GFRA2: variants seen among roughly 807,000 people sequenced by gnomAD.
GFRA2 encodes GDNF family receptor alpha-2.
A neutral mutation model predicts 48.3 loss-of-function variants in GFRA2; 17 were observed. The observed-to-expected ratio is 0.35, with a 90% CI of 0.24 to 0.53. The LOEUF (loss-of-function observed/expected upper bound fraction) is 0.53, where lower values mean the gene tolerates loss of function less well. Among genes scored for constraint, GFRA2 ranks in the 20% least tolerant of loss-of-function variants. The pLI, the probability that GFRA2 is intolerant of heterozygous loss-of-function variation, is 0.93. For missense variants in GFRA2, 660 were observed against 637.3 expected (o/e 1.04, Z -0.38); for synonymous variants, 305 against 257.2 (o/e 1.19, Z -1.78).
upstream of GFRA2, among the ~76,000 whole-genome samples, chr8:21,792,622 G>A (rs1234142535): frequency 2.6e-5 from 4 of 152,230 alleles, no homozygotes; most frequent in Non-Finnish European, 4.4e-5. Flanking sequence ...AGGAAGAGTT[G>A]GTACCACTGG....
chr8:21,742,147 G>A (rs1463451932), intron 4 of GFRA2, among the ~76,000 whole-genome samples: 1 of 152,120 alleles, frequency 6.6e-6, no homozygotes, highest in Non-Finnish European at 1.5e-5. Context: ...AAGTCTAGAT[G>A]TTATGAATGT....
At chr8:21,703,778 CT>C (rs2117361323) in intron 6 of GFRA2, among the ~76,000 whole-genome samples, 1 of 152,312 alleles carries the variant, frequency 6.6e-6, no homozygotes, top group South Asian at 2.1e-4. Flanking sequence ...CGCTGTTCCC[CT>C]CCCACTGCTC....
intron 8 of GFRA2, among the ~76,000 whole-genome samples, chr8:21,694,071 T>TATATATATATA (rs1563209393): frequency 5.6e-5 from 4 of 71,082 alleles, no homozygotes; most frequent in African/African-American, 2.1e-4. Flanking sequence ...ATATATTTAT[T>TATATATATATA]TATTTTTATA....
intron 4 of GFRA2, among the ~76,000 whole-genome samples, chr8:21,727,819 C>A (rs187738263): frequency 6.6e-6 from 1 of 152,178 alleles, no homozygotes; most frequent in Non-Finnish European, 1.5e-5. Flanking sequence ...TCTGGATTCA[C>A]GGAAAATACT....
intron 7 of GFRA2, among the ~76,000 whole-genome samples, chr8:21,701,163 G>C (rs1195608612): frequency 6.6e-6 from 1 of 152,250 alleles, no homozygotes; most frequent in Non-Finnish European, 1.5e-5. Context: ...GGGAGGCCGA[G>C]GCGGGTGGAT....
chr8:21,722,981 C>T (rs750113604), intron 4 of GFRA2, among the ~76,000 whole-genome samples: 8 of 152,186 alleles, frequency 5.3e-5, no homozygotes, highest in Non-Finnish European at 1.0e-4. Flanking sequence ...CAGCAGACCA[C>T]TCAGGCCAGG....
intron 4 of GFRA2, among the ~76,000 whole-genome samples, chr8:21,727,441 C>T (rs745426982): frequency 4.6e-5 from 7 of 152,174 alleles, no homozygotes; most frequent in Admixed American, 1.3e-4. Flanking sequence ...GGGCACAGAT[C>T]CCAGTGTGCT....
At chr8:21,768,870 G>C (rs1441486892) in intron 3 of GFRA2, among the ~76,000 whole-genome samples, 1 of 152,150 alleles carries the variant, frequency 6.6e-6, no homozygotes, top group East Asian at 1.9e-4. Flanking sequence ...AATGATCCCT[G>C]TTCACCGTCC....
chr8:21,780,356 T>C (rs1347709459), intron 2 of GFRA2, among the ~76,000 whole-genome samples: 1 of 152,158 alleles, frequency 6.6e-6, no homozygotes, highest in Non-Finnish European at 1.5e-5. Context: ...TCTGACCCTG[T>C]TGAGGGTCCT....
At chr8:21,725,712 G>T (rs1021921441) in intron 4 of GFRA2, among the ~76,000 whole-genome samples, 3 of 152,220 alleles carry the variant, frequency 2.0e-5, no homozygotes, top group African/African-American at 7.2e-5. Context: ...CCGAGACTTA[G>T]AACAATTAAA....
chr8:21,766,906 C>A (rs984837070), intron 3 of GFRA2, among the ~76,000 whole-genome samples: 1 of 131,272 alleles, frequency 7.6e-6, no homozygotes, highest in South Asian at 2.8e-4. Flanking sequence ...TCCACACACA[C>A]GCTAACACAT....
At chr8:21,694,818 A>G (rs1360599611) in intron 7 of GFRA2, among the ~76,000 whole-genome samples, 3 of 152,110 alleles carry the variant, frequency 2.0e-5, no homozygotes, top group African/African-American at 7.2e-5. Context: ...ACTCAGCGCA[A>G]CTCTTGGGCA....
chr8:21,732,076 C>T (rs536858028), intron 4 of GFRA2, among the ~76,000 whole-genome samples: 1 of 152,208 alleles, frequency 6.6e-6, no homozygotes, highest in African/African-American at 2.4e-5. Flanking sequence ...AATGCAGGGG[C>T]GAGTGAACAT....
intron 3 of GFRA2, among the ~76,000 whole-genome samples, chr8:21,752,668 C>T (rs1040291860): frequency 1.3e-5 from 2 of 152,116 alleles, no homozygotes; most frequent in South Asian, 4.2e-4. Flanking sequence ...CAACTCAACA[C>T]CTCTAGCTGC....
intron 2 of GFRA2, chr8:21,797,897 CT>C (rs1807706207): frequency 6.6e-6 from 1 of 152,216 alleles, no homozygotes; most frequent in Non-Finnish European, 1.5e-5. Flanking sequence ...ATGTCTGCCC[CT>C]GAAGTGCTGG....
chr8:21,720,210 C>A (rs1803529218), intron 4 of GFRA2, among the ~76,000 whole-genome samples: 1 of 152,204 alleles, frequency 6.6e-6, no homozygotes, highest in Non-Finnish European at 1.5e-5. Flanking sequence ...GGCCTAAACT[C>A]AGTGGCATTT....
At chr8:21,708,147 A>T (rs1052067223) in intron 4 of GFRA2, among the ~76,000 whole-genome samples, 4 of 152,230 alleles carry the variant, frequency 2.6e-5, no homozygotes, top group Admixed American at 6.5e-5. Flanking sequence ...GCCCTTCCAG[A>T]GCCATCATTC....
chr8:21,755,125 T>C (rs1025945810), intron 3 of GFRA2, among the ~76,000 whole-genome samples: 4 of 152,122 alleles, frequency 2.6e-5, no homozygotes, highest in African/African-American at 7.2e-5. Context: ...CTCTGTATGA[T>C]ACTGTAATGG....
At chr8:21,745,587 C>T (rs1052010488) in intron 4 of GFRA2, among the ~76,000 whole-genome samples, 2 of 152,190 alleles carry the variant, frequency 1.3e-5, no homozygotes, top group African/African-American at 2.4e-5. Context: ...CGGTCAGAAA[C>T]CTGGAGGAAG....
Sources: allele counts gnomAD v4.1 joint callset (sites outside exome capture counted in the v4.1 genomes callset), GRCh38; gene constraint gnomAD v4.1.1; transcripts MANE v1.5; gene names NCBI Gene and HGNC (gene_info 2026-07-23, HGNC 2026-07-21).